MCTS1: variants seen among roughly 807,000 people sequenced by gnomAD.
MCTS1 encodes the protein malignant T-cell-amplified sequence 1.
For synonymous variants in MCTS1, 26 were observed against 40.8 expected (o/e 0.64, Z 1.38); for missense variants, 55 against 128.6 (o/e 0.43, Z 2.77).
intron 2 of MCTS1, 104 bp downstream of exon 2, chrX:120,605,663 G>A: frequency 1.3e-6 from 1 of 783,515 alleles, no homozygotes; most frequent in Admixed American, 4.2e-5. Context: ...ACTATTGATA[G>A]ATTAATAATG....
intron 3 of MCTS1, among the ~76,000 whole-genome samples, chrX:120,607,478 A>T (rs764213528): frequency 2.1e-4 from 23 of 110,724 alleles, no homozygotes; most frequent in African/African-American, 6.6e-4. Flanking sequence ...GTTTTTTTTT[A>T]AATTAACAGG....
Position 120,617,380 on chromosome X carries a change from CAG to C in MCTS1, c.*5117_*5118del, listed in dbSNP as rs1926886857. Among the ~76,000 whole-genome samples the C allele has an allele frequency of 1.8e-5, 2 of 111,239 alleles. No individual in the cohort carries two copies. The highest frequency in any genetic ancestry group is 3.8e-5 in the Non-Finnish European group (2 of 53,054). On this transcript the variant is annotated 3_prime_UTR_variant, in exon 6 of 6. Coordinates refer to ENST00000371317, the MANE Select transcript of MCTS1 (RefSeq NM_014060.3). Reference sequence around the variant, plus strand: ...CTAATTTTTGTATTTTTAGTAGAGACAGGGTTTCACCATGTTGGCCAGGCTGG... The same window carrying C: ...CTAATTTTTGTATTTTTAGTAGAGACGGTTTCACCATGTTGGCCAGGCTGG...
rs1926725183 is a variant in MCTS1 at position 120,612,693 on chromosome X, GT to G, written c.*430del. 9.3e-6 allele frequency among the ~76,000 whole-genome samples: 1 copy of G among 107,237 alleles called. No individual in the cohort carries two copies. Among genetic ancestry groups the G allele is most frequent in the Admixed American group, 1.0e-4 (1 of 9,792 alleles). The allele number at this position is 107,237 out of a possible 115,157, so 93.1% of individuals were successfully genotyped here. A position where few individuals can be genotyped will look rare whatever the true frequency, so the allele number is the denominator to read the frequency against. Reference sequence around the variant, plus strand: ...TGTGTGTGTGTGTGTGTGTATGTGTGTGTGTGTGTGTGTGTGTGTTTTGTTG... The same window carrying G: ...TGTGTGTGTGTGTGTGTGTATGTGTGGTGTGTGTGTGTGTGTGTTTTGTTG... On this transcript the variant is annotated 3_prime_UTR_variant, in exon 6 of 6. Transcript: ENST00000371317.
intron 4 of MCTS1, 53 bp downstream of exon 4, chrX:120,608,411 A>T (rs1926596728): frequency 9.1e-7 from 1 of 1,102,557 alleles, no homozygotes; most frequent in African/African-American, 1.8e-5. Context: ...TGCTCTTATC[A>T]TTACTGCGAA....
intron 4 of MCTS1, 185 bp from the exon 5 acceptor site, chrX:120,610,826 G>C (rs1197184641): frequency 2.5e-6 from 1 of 401,519 alleles, no homozygotes; most frequent in African/African-American, 2.5e-5. Context: ...CATTTACTGA[G>C]TATTTACAGT....
intron 2 of MCTS1, 72 bp downstream of exon 2, chrX:120,605,631 A>G: frequency 2.0e-6 from 2 of 997,029 alleles, no homozygotes; most frequent in Non-Finnish European, 2.7e-6. Flanking sequence ...CACTCATACT[A>G]AATGGAATTA....
intron 5 of MCTS1, among the ~76,000 whole-genome samples, chrX:120,611,611 G>A (rs1381782010): frequency 9.0e-6 from 1 of 110,785 alleles, no homozygotes; most frequent in Non-Finnish European, 1.9e-5. Flanking sequence ...GTAGAGATGG[G>A]GTTTCACCAT....
In MCTS1 at chrX:120,612,415, G is replaced by A; in HGVS notation, c.*151G>A. On this transcript the variant is annotated 3_prime_UTR_variant, in exon 6 of 6. Coordinates refer to ENST00000371317, the MANE Select transcript of MCTS1 (RefSeq NM_014060.3). ...CTGTTAGCTTCAGAAATTATTTTAA[G>A]TTTTCTTAAACTCAAGTTAAAATTG... The A allele has an allele frequency of 2.2e-6, 1 of 455,776 alleles. No individual in the cohort carries two copies. The highest frequency in any genetic ancestry group is 3.7e-6 in the Non-Finnish European group (1 of 272,172). The allele number at this position is 455,776 out of a possible 1,213,427, so 37.6% of individuals were successfully genotyped here.
intron 4 of MCTS1, among the ~76,000 whole-genome samples, chrX:120,609,899 T>C (rs1926638764): frequency 8.9e-6 from 1 of 112,463 alleles, no homozygotes. Flanking sequence ...CTGCAGTGTT[T>C]AACATTCCAG....
chrX:120,605,633 A>G (rs1926513489), intron 2 of MCTS1, 74 bp downstream of exon 2: 2 of 994,227 alleles, frequency 2.0e-6, no homozygotes, highest in Admixed American at 3.5e-5. Context: ...CTCATACTAA[A>G]TGGAATTATT....
At chrX:120,607,932 G>A (rs1281399388) in intron 3 of MCTS1, among the ~76,000 whole-genome samples, 2 of 110,957 alleles carry the variant, frequency 1.8e-5, no homozygotes, top group Admixed American at 1.9e-4. Flanking sequence ...TTGAAATTAC[G>A]GTTTTTGGAG....
rs965143681 is a variant in MCTS1 at position 120,620,265 on chromosome X, A to T, written c.*8001A>T. ...GGAGCTTGCAGTGAGCTGAGATCGC[A>T]CCACTGCATTCCAGCCTGGACAACA... On this transcript the variant is annotated 3_prime_UTR_variant, in exon 6 of 6. Transcript: ENST00000371317. Among the ~76,000 whole-genome samples, 1 of 107,022 alleles carries T rather than the reference A, an allele frequency of 9.3e-6. No individual in the cohort carries two copies. Among genetic ancestry groups the T allele is most frequent in the Admixed American group, 1.0e-4 (1 of 9,939 alleles). The allele number at this position is 107,022 out of a possible 115,157, so 92.9% of individuals were successfully genotyped here. A position where few individuals can be genotyped will look rare whatever the true frequency, so the allele number is the denominator to read the frequency against.
At chrX:120,608,852 G>A (rs765380079) in intron 4 of MCTS1, among the ~76,000 whole-genome samples, 6 of 112,046 alleles carry the variant, frequency 5.4e-5, no homozygotes, top group Middle Eastern at 4.6e-3. Context: ...TGAATAGTGG[G>A]AAATATTGGC....
chrX:120,607,837 C>T, intron 3 of MCTS1, among the ~76,000 whole-genome samples: 1 of 111,226 alleles, frequency 9.0e-6, no homozygotes. Flanking sequence ...TCTTTTTAAT[C>T]GTTTTTTTAC....
rs778563965 is a variant in MCTS1, at chrX:120,620,303, G to A, written c.*8039G>A. Among the ~76,000 whole-genome samples, 18 of 107,518 alleles carry A rather than the reference G, an allele frequency of 1.7e-4. No individual in the cohort carries two copies. Among genetic ancestry groups the A allele is most frequent in the Admixed American group, 9.0e-4 (9 of 9,951 alleles). The allele number at this position is 107,518 out of a possible 115,157, so 93.4% of individuals were successfully genotyped here. On this transcript the variant is annotated 3_prime_UTR_variant, in exon 6 of 6. Transcript: ENST00000371317. ...AGCCTGGACAACAGAGCGAAACTCC[G>A]TCTCAAAAACCAACCAAACAAAAAA...
At position 120,608,492 on chromosome X, in the gene MCTS1, C is replaced by T. The variant is rs1926599098; in HGVS notation, c.396+134C>T. On this transcript the variant is annotated intron_variant, in intron 4 of 5. Transcript: ENST00000371317. ...ACTGTTACTCTTATCTCATGCCTTT[C>T]TGGTTACATTTGAAGTTGTACAAAG... is the stretch of plus-strand genomic sequence containing the variant. 4 of 709,029 alleles carry T rather than the reference C, an allele frequency of 5.6e-6. No homozygotes were observed. The East Asian group carries it at 1.5e-4, about 26-fold the overall frequency. 58.4% of individuals were successfully genotyped at this position (709,029 alleles called of 1,213,427 possible). A position where few individuals can be genotyped will look rare whatever the true frequency, so the allele number is the denominator to read the frequency against.
In MCTS1 at chrX:120,620,023, T is replaced by C. The variant is rs923882654; in HGVS notation, c.*7759T>C. On this transcript the variant is annotated 3_prime_UTR_variant, in exon 6 of 6. Transcript: ENST00000371317. The stretch of plus-strand genomic sequence containing the variant: ...GACTAGCAGTTGCTTTGAAGATATC[T>C]GGGGAAGGCCGGGCACGGTGGTTCA... 2.7e-5 allele frequency among the ~76,000 whole-genome samples: 3 copies of C among 111,947 alleles called. No homozygotes were observed. Among genetic ancestry groups the C allele is most frequent in the African/African-American group, 6.5e-5 (2 of 30,848 alleles).
chrX:120,605,597 G>T, intron 2 of MCTS1, 38 bp downstream of exon 2: 4 of 1,143,063 alleles, frequency 3.5e-6, no homozygotes, highest in Non-Finnish European at 4.7e-6. Flanking sequence ...GCTCGGTATA[G>T]CTGAATATTT....
chrX:120,613,262 T>TG lies in MCTS1; in HGVS notation c.*999dup, dbSNP rs1926750216. On this transcript the variant is annotated 3_prime_UTR_variant, in exon 6 of 6. Transcript: ENST00000371317. ...ATTTTATAGTTGGCCAGGCTGGTCT[T>TG]GAACTCCTGGCCTCAAGTGATCAGC... Among the ~76,000 whole-genome samples the TG allele has an allele frequency of 9.0e-6, 1 of 111,155 alleles. No individual in the cohort carries two copies. The highest frequency in any genetic ancestry group is 3.3e-5 in the African/African-American group (1 of 30,530).
Sources: allele counts gnomAD v4.1 joint callset (sites outside exome capture counted in the v4.1 genomes callset), GRCh38; gene constraint gnomAD v4.1.1; transcripts MANE v1.5; gene names NCBI Gene and HGNC (gene_info 2026-07-23, HGNC 2026-07-21).